The following ARHGAP24 variants were observed in gnomAD, a reference collection of about 807,000 sequenced individuals.
The protein encoded by ARHGAP24 is rho GTPase-activating protein 24.
ARHGAP24 carries 50 observed loss-of-function variants against 76.4 expected under a neutral mutation model. The ratio of observed to expected loss-of-function variants is 0.65; its 90% CI spans 0.52 to 0.83. The LOEUF (loss-of-function observed/expected upper bound fraction) is 0.83, where lower values mean the gene tolerates loss of function less well. ARHGAP24 is among the 40% of genes least tolerant of loss of function. ARHGAP24 has a pLI of 0.00. For missense variants in ARHGAP24, 930 were observed against 914.2 expected (o/e 1.02, Z -0.22); for synonymous variants, 345 against 323.3 (o/e 1.07, Z -0.72).
chr4:85,675,278 G>C (rs1008029544), intron 2 of ARHGAP24, among the ~76,000 whole-genome samples: 2 of 152,160 alleles, frequency 1.3e-5, no homozygotes, highest in South Asian at 2.1e-4. Flanking sequence ...TTCCTTCATG[G>C]AAGTCAGGCA....
chr4:85,655,792 T>TATATAGAGAGAG (rs1553920518), intron 2 of ARHGAP24, among the ~76,000 whole-genome samples: 15 of 37,696 alleles, frequency 4.0e-4, no homozygotes, highest in African/African-American at 9.8e-4. Context: ...TATATATATA[T>TATATAGAGAGAG]AGAGAGAGAG....
chr4:85,523,060 G>A (rs1249460196), intron 1 of ARHGAP24, among the ~76,000 whole-genome samples: 1 of 152,196 alleles, frequency 6.6e-6, no homozygotes, highest in Non-Finnish European at 1.5e-5. Context: ...GCCAGTCTTG[G>A]ACGTGGTAGA....
chr4:85,484,092 TG>T (rs764646821), intron 1 of ARHGAP24, among the ~76,000 whole-genome samples: 118 of 152,350 alleles, frequency 7.7e-4, no homozygotes, highest in Middle Eastern at 3.4e-3. Context: ...TTCAATTTCG[TG>T]TAGGTTTTTT....
chr4:85,694,735 CTG>C (rs1254614092), intron 2 of ARHGAP24, among the ~76,000 whole-genome samples: 1 of 152,012 alleles, frequency 6.6e-6, no homozygotes, highest in African/African-American at 2.4e-5. Flanking sequence ...TGATACATAA[CTG>C]TGTTTTCTCA....
chr4:85,653,148 A>T (rs935820325), intron 2 of ARHGAP24, among the ~76,000 whole-genome samples: 1 of 152,230 alleles, frequency 6.6e-6, no homozygotes, highest in East Asian at 1.9e-4. Context: ...ATTTTAAACC[A>T]TAAATGATAA....
intron 2 of ARHGAP24, among the ~76,000 whole-genome samples, chr4:85,626,809 A>C (rs1336120184): frequency 6.6e-6 from 1 of 151,374 alleles, no homozygotes; most frequent in African/African-American, 2.4e-5. Flanking sequence ...TTCTCTTCTC[A>C]CTTCATTTCA....
intron 8 of ARHGAP24, among the ~76,000 whole-genome samples, chr4:85,979,855 A>T (rs1330681188): frequency 2.6e-5 from 4 of 152,182 alleles, no homozygotes; most frequent in African/African-American, 4.8e-5. Context: ...GTGAATATTT[A>T]AAAAATATCA....
intron 3 of ARHGAP24, among the ~76,000 whole-genome samples, chr4:85,889,609 T>C (rs996344990): frequency 1.2e-4 from 19 of 152,240 alleles, no homozygotes; most frequent in Non-Finnish European, 1.0e-4. Context: ...ACATCTTCTT[T>C]CCACGACTAT....
intron 5 of ARHGAP24, among the ~76,000 whole-genome samples, chr4:85,964,214 A>AGTCC (rs1738435034): frequency 6.6e-6 from 1 of 152,100 alleles, no homozygotes. Flanking sequence ...TTAGATTTAG[A>AGTCC]GTCCTGGGGA....
chr4:85,713,547 C>T (rs974985532), intron 2 of ARHGAP24, among the ~76,000 whole-genome samples: 1 of 152,058 alleles, frequency 6.6e-6, no homozygotes, highest in Non-Finnish European at 1.5e-5. Context: ...AGTGAAGGAG[C>T]CAATAAATCA....
At chr4:85,570,813 A>G in intron 2 of ARHGAP24, 92 bp downstream of exon 2, 2 of 1,376,414 alleles carry the variant, frequency 1.5e-6, no homozygotes, top group Non-Finnish European at 2.0e-6. Flanking sequence ...AGACCACCCA[A>G]AGCTCCCTGG....
At chr4:85,815,609 T>C (rs1482399284) in intron 3 of ARHGAP24, among the ~76,000 whole-genome samples, 2 of 152,234 alleles carry the variant, frequency 1.3e-5, no homozygotes, top group Admixed American at 6.5e-5. Flanking sequence ...GATCTCATTG[T>C]CCATATGGCT....
intron 2 of ARHGAP24, among the ~76,000 whole-genome samples, chr4:85,625,688 A>C (rs1202712739): frequency 6.6e-6 from 1 of 152,150 alleles, no homozygotes. Context: ...ATCTCCCATT[A>C]TTATTCTGTG....
At chr4:85,574,376 G>C (rs540768544) in intron 2 of ARHGAP24, among the ~76,000 whole-genome samples, 18 of 152,336 alleles carry the variant, frequency 1.2e-4, no homozygotes, top group Non-Finnish European at 2.1e-4. Context: ...AGTGAGGACT[G>C]TCTAGAGGGC....
intron 1 of ARHGAP24, among the ~76,000 whole-genome samples, chr4:85,496,984 C>T (rs1224383365): frequency 1.3e-5 from 2 of 152,148 alleles, no homozygotes; most frequent in Non-Finnish European, 2.9e-5. Context: ...GCAAAGGGAA[C>T]CCACATGCAA....
intron 3 of ARHGAP24, among the ~76,000 whole-genome samples, chr4:85,840,017 C>CTTTTTTTTTTTTT (rs70948759): frequency 1.7e-5 from 2 of 116,044 alleles, no homozygotes; most frequent in Non-Finnish European, 3.5e-5. Context: ...GCCTGGCTAA[C>CTTTTTTTTTTTTT]TTTTTTTTTT....
At chr4:85,495,985 G>A (rs1474270987) in intron 1 of ARHGAP24, among the ~76,000 whole-genome samples, 1 of 152,150 alleles carries the variant, frequency 6.6e-6, no homozygotes, top group Non-Finnish European at 1.5e-5. Flanking sequence ...AGAGAACATG[G>A]GAAGTAGTTA....
At chr4:85,656,917 C>G (rs1722197988) in intron 2 of ARHGAP24, among the ~76,000 whole-genome samples, 1 of 151,562 alleles carries the variant, frequency 6.6e-6, no homozygotes, top group Non-Finnish European at 1.5e-5. Context: ...TTCAGAGTTC[C>G]TTGAAACTAT....
intron 3 of ARHGAP24, among the ~76,000 whole-genome samples, chr4:85,789,219 T>TA (rs1306016636): frequency 1.1e-5 from 1 of 89,124 alleles, no homozygotes; most frequent in Non-Finnish European, 2.7e-5. Context: ...GGAACCTCCA[T>TA]TAAAAAAAAA....
Sources: gnomAD v4.1 joint callset for allele counts (sites outside exome capture counted in the v4.1 genomes callset) on GRCh38, gnomAD v4.1.1 for gene constraint, MANE v1.5 for transcripts, NCBI Gene and HGNC (gene_info 2026-07-23, HGNC 2026-07-21) for gene names.